The following PTPRD variants were observed in gnomAD, a reference collection of about 807,000 sequenced individuals.
The protein encoded by PTPRD is receptor-type tyrosine-protein phosphatase delta.
Under a neutral mutation model 214.5 loss-of-function variants are expected in PTPRD, and 34 were observed. That is an observed-to-expected ratio of 0.16 (90% confidence interval 0.12 to 0.21). PTPRD has a LOEUF of 0.21. Among genes scored for constraint, PTPRD ranks in the 10% least tolerant of loss-of-function variants. PTPRD has a pLI of 1.00. For missense variants in PTPRD, 2,545 were observed against 2,398.7 expected (o/e 1.06, Z -1.27); for synonymous variants, 1,128 against 845.7 (o/e 1.33, Z -5.79).
chr9:9,129,660 A>C (rs2099839568), intron 10 of PTPRD, among the ~76,000 whole-genome samples: 1 of 152,192 alleles, frequency 6.6e-6, no homozygotes, highest in African/African-American at 2.4e-5. Flanking sequence ...GATACCTTAC[A>C]TCTAACAAAT....
intron 3 of PTPRD, among the ~76,000 whole-genome samples, chr9:10,178,348 G>A (rs1041416350): frequency 6.6e-6 from 1 of 151,642 alleles, no homozygotes; most frequent in African/African-American, 2.4e-5. Flanking sequence ...ATATTGTTAA[G>A]GAAATAAAAG....
At chr9:10,271,704 G>A (rs778933246) in intron 3 of PTPRD, among the ~76,000 whole-genome samples, 10 of 151,518 alleles carry the variant, frequency 6.6e-5, no homozygotes, top group South Asian at 2.1e-4. Flanking sequence ...CACCACACCC[G>A]GCTAATTTTT....
chr9:9,875,389 A>G (rs901807580), intron 5 of PTPRD, among the ~76,000 whole-genome samples: 6 of 152,142 alleles, frequency 3.9e-5, no homozygotes, highest in African/African-American at 1.4e-4. Flanking sequence ...AAAATAAAAA[A>G]TAAACTTTAA....
intron 12 of PTPRD, among the ~76,000 whole-genome samples, chr9:8,720,936 C>G (rs953497544): frequency 6.6e-6 from 1 of 152,054 alleles, no homozygotes; most frequent in Non-Finnish European, 1.5e-5. Flanking sequence ...TTCAGCTGTT[C>G]TGCCTCTTCT....
intron 3 of PTPRD, among the ~76,000 whole-genome samples, chr9:10,227,167 G>T (rs1398301392): frequency 6.6e-6 from 1 of 151,942 alleles, no homozygotes; most frequent in Non-Finnish European, 1.5e-5. Flanking sequence ...TATTTTTCAC[G>T]TGGCCATGAT....
At chr9:9,231,766 T>A (rs1050294370) in intron 9 of PTPRD, among the ~76,000 whole-genome samples, 9 of 152,162 alleles carry the variant, frequency 5.9e-5, no homozygotes, top group African/African-American at 2.2e-4. Context: ...AGTTATAGGG[T>A]ACATGTGCAC....
intron 36 of PTPRD, among the ~76,000 whole-genome samples, chr9:8,396,502 T>A (rs10815851): frequency 0.087 from 13,142 of 151,006 alleles, 1,431 homozygotes; most frequent in East Asian, 0.5. Context: ...GTAAGCTGCA[T>A]AGATGTACAA....
chr9:8,944,851 C>T (rs1232306322), intron 11 of PTPRD, among the ~76,000 whole-genome samples: 2 of 151,816 alleles, frequency 1.3e-5, no homozygotes, highest in Admixed American at 1.3e-4. Flanking sequence ...AGAATGACTA[C>T]AGTCAGCGAT....
chr9:8,672,299 T>G lies in PTPRD; in HGVS notation c.65-35455A>C, dbSNP rs569624932. Among the ~76,000 whole-genome samples, 6 of 152,288 alleles carry G rather than the reference T, an allele frequency of 3.9e-5. No individual in the cohort carries two copies. In the South Asian group the frequency reaches 1.2e-3, roughly 32 times the overall value. On this transcript the variant is annotated intron_variant, in intron 12 of 45. Coordinates refer to ENST00000381196, the MANE Select transcript of PTPRD (RefSeq NM_002839.4). ...ATGAGATTCAAGTAGTTTATGCAAA[T>G]GGGTTTTCATCATATGATACCAAAT...
chr9:10,158,305 G>A (rs2099106415), intron 3 of PTPRD, among the ~76,000 whole-genome samples: 1 of 152,174 alleles, frequency 6.6e-6, no homozygotes, highest in African/African-American at 2.4e-5. Flanking sequence ...ACTGCACCCA[G>A]CCATTTATGT....
At chr9:9,524,968 C>T (rs1347668616) in intron 8 of PTPRD, among the ~76,000 whole-genome samples, 1 of 152,184 alleles carries the variant, frequency 6.6e-6, no homozygotes, top group Non-Finnish European at 1.5e-5. Context: ...CGCCATTCTC[C>T]TGCCTCAGCC....
At chr9:8,966,042 G>T (rs1336868921) in intron 11 of PTPRD, among the ~76,000 whole-genome samples, 3 of 152,022 alleles carry the variant, frequency 2.0e-5, no homozygotes, top group Non-Finnish European at 2.9e-5. Flanking sequence ...TATAATAGCT[G>T]CACATGCACA....
chr9:10,519,721 C>G (rs571736710), intron 2 of PTPRD, among the ~76,000 whole-genome samples: 17 of 152,054 alleles, frequency 1.1e-4, no homozygotes, highest in African/African-American at 3.9e-4. Context: ...TTAAAATTTC[C>G]AACTTTATTA....
chr9:10,014,229 G>A (rs1271332911), intron 4 of PTPRD, among the ~76,000 whole-genome samples: 3 of 151,880 alleles, frequency 2.0e-5, no homozygotes, highest in Admixed American at 6.6e-5. Context: ...GAAAATAAAT[G>A]TTTTTCTCAC....
At chr9:9,644,359 A>G (rs1421821190) in intron 7 of PTPRD, among the ~76,000 whole-genome samples, 1 of 152,144 alleles carries the variant, frequency 6.6e-6, no homozygotes, top group Non-Finnish European at 1.5e-5. Context: ...ATGCAGCAGA[A>G]ATCAGATAAC....
intron 9 of PTPRD, among the ~76,000 whole-genome samples, chr9:9,335,017 CAA>C (rs1445123447): frequency 6.6e-6 from 1 of 151,926 alleles, no homozygotes; most frequent in Non-Finnish European, 1.5e-5. Flanking sequence ...GTTTCAAAAG[CAA>C]AGACTTCACC....
intron 9 of PTPRD, among the ~76,000 whole-genome samples, chr9:9,305,507 C>A (rs556746501): frequency 6.6e-6 from 1 of 152,132 alleles, no homozygotes; most frequent in South Asian, 2.1e-4. Flanking sequence ...TTAACTCTAC[C>A]TCAAATCAGA....
chr9:10,186,226 A>C (rs566964908), intron 3 of PTPRD, among the ~76,000 whole-genome samples: 1 of 152,216 alleles, frequency 6.6e-6, no homozygotes, highest in South Asian at 2.1e-4. Context: ...CCTGAGAGTC[A>C]ATTATTCTCC....
At chr9:9,228,467 T>C (rs35479269) in intron 9 of PTPRD, among the ~76,000 whole-genome samples, 32,916 of 152,096 alleles carry the variant, frequency 0.22, 4,237 homozygotes, top group Middle Eastern at 0.33. Context: ...TGTTGATATA[T>C]GTTGATATAT....
Sources: allele counts gnomAD v4.1 joint callset (sites outside exome capture counted in the v4.1 genomes callset), GRCh38; gene constraint gnomAD v4.1.1; transcripts MANE v1.5; gene names NCBI Gene and HGNC (gene_info 2026-07-23, HGNC 2026-07-21).